Variants in APBA2 observed in about 807,000 individuals in gnomAD.
APBA2 encodes the protein amyloid beta precursor protein binding family A member 2.
A neutral mutation model predicts 75.0 loss-of-function variants in APBA2; 30 were observed. The ratio of observed to expected loss-of-function variants is 0.40; its 90% confidence interval spans 0.30 to 0.54. The LOEUF is 0.54. APBA2 is among the 20% of genes least tolerant of loss of function. The pLI, the probability that APBA2 is intolerant of heterozygous loss-of-function variation, is 0.49. For synonymous variants in APBA2, 444 were observed against 409.6 expected, an observed-to-expected ratio of 1.08 and a Z score of -1.01; for missense variants, 801 against 1,016.1, an observed-to-expected ratio of 0.79 and a Z score of 2.88.
chr15:29,010,055 T>C (rs980458760), intron 3 of APBA2, among the ~76,000 whole-genome samples: 6 of 152,222 alleles, frequency 3.9e-5, no homozygotes, highest in African/African-American at 1.4e-4. Flanking sequence ...ACATCCTTGC[T>C]CATAACTGGT....
intron 2 of APBA2, among the ~76,000 whole-genome samples, chr15:28,933,056 G>A (rs1437015286): frequency 1.3e-5 from 2 of 152,008 alleles, no homozygotes; most frequent in Admixed American, 6.6e-5. Flanking sequence ...GAGGGAAGGG[G>A]GCCAAACTCA....
intron 2 of APBA2, among the ~76,000 whole-genome samples, chr15:28,955,306 C>T (rs907613939): frequency 2.0e-5 from 3 of 152,080 alleles, no homozygotes; most frequent in Non-Finnish European, 4.4e-5. Flanking sequence ...GGGTCCCCAG[C>T]AGTCTGTAAG....
At chr15:29,078,734 G>C (rs867425898) in intron 6 of APBA2, among the ~76,000 whole-genome samples, 2 of 152,134 alleles carry the variant, frequency 1.3e-5, no homozygotes, top group South Asian at 4.2e-4. Context: ...CTTCAGGCTT[G>C]TCACCTCATC....
At chr15:28,987,413 T>C (rs2037979756) in intron 2 of APBA2, among the ~76,000 whole-genome samples, 1 of 152,008 alleles carries the variant, frequency 6.6e-6, no homozygotes, top group Non-Finnish European at 1.5e-5. Context: ...AGGATCCACG[T>C]CCAAGATCGA....
At chr15:28,958,993 T>A (rs1299770945) in intron 2 of APBA2, among the ~76,000 whole-genome samples, 1 of 152,194 alleles carries the variant, frequency 6.6e-6, no homozygotes, top group South Asian at 2.1e-4. Flanking sequence ...TCTTCTGTTC[T>A]CTTCTCTTCT....
At position 29,117,164 on chromosome 15, in the gene APBA2, A is replaced by C; in HGVS notation, c.*31A>C. 1 of 1,608,970 alleles carries C rather than the reference A, an allele frequency of 6.2e-7. No homozygotes were observed. On this transcript the variant is annotated 3_prime_UTR_variant, in exon 15 of 15. Transcript: ENST00000683413. ...CCCAGCCTGGCCACGCAGCCAGGAC[A>C]CCGGGCAGGGCCGCCCGGGCCCAGA...
chr15:29,062,892 G>A (rs901233300), intron 4 of APBA2, among the ~76,000 whole-genome samples: 1 of 152,064 alleles, frequency 6.6e-6, no homozygotes, highest in African/African-American at 2.4e-5. Flanking sequence ...CCCCCATCTC[G>A]TGGGGCTGTG....
chr15:29,104,918 C>G (rs2152968845), intron 10 of APBA2, among the ~76,000 whole-genome samples: 1 of 152,242 alleles, frequency 6.6e-6, no homozygotes, highest in Non-Finnish European at 1.5e-5. Context: ...ACCCCTATCT[C>G]TACAAGAAAA....
intron 2 of APBA2, among the ~76,000 whole-genome samples, chr15:28,959,900 T>G (rs1244506349): frequency 1.3e-5 from 2 of 152,154 alleles, no homozygotes; most frequent in African/African-American, 4.8e-5. Context: ...TCCCAGCACT[T>G]CGGGAGGCCG....
At chr15:28,911,790 T>C (rs1032482590) in intron 1 of APBA2, among the ~76,000 whole-genome samples, 5 of 152,194 alleles carry the variant, frequency 3.3e-5, no homozygotes, top group African/African-American at 1.2e-4. Context: ...ACAGTTTCAG[T>C]GCAGATTATA....
intron 3 of APBA2, among the ~76,000 whole-genome samples, chr15:29,048,688 C>T (rs1484907143): frequency 6.6e-6 from 1 of 152,044 alleles, no homozygotes; most frequent in African/African-American, 2.4e-5. Flanking sequence ...GTAATCCCAG[C>T]ACTTTGGGAG....
chr15:28,935,420 G>A (rs531925775), intron 2 of APBA2, among the ~76,000 whole-genome samples: 2 of 152,076 alleles, frequency 1.3e-5, no homozygotes, highest in African/African-American at 2.4e-5. Context: ...GGCCAGCAGA[G>A]CTCACTGCCG....
chr15:28,992,426 A>G (rs756301635), intron 2 of APBA2, among the ~76,000 whole-genome samples: 1 of 152,242 alleles, frequency 6.6e-6, no homozygotes, highest in East Asian at 1.9e-4. Flanking sequence ...CACAAGTCCA[A>G]TTTACTGCCA....
intron 3 of APBA2, among the ~76,000 whole-genome samples, chr15:29,038,588 G>A (rs2152857695): frequency 6.6e-6 from 1 of 151,644 alleles, no homozygotes; most frequent in South Asian, 2.1e-4. Context: ...GGGGACAGAA[G>A]CCCAGACTCT....
rs376263872 is a variant in APBA2 at position 29,054,829 on chromosome 15, C to T, written c.945C>T (p.His315=). ...RTPEERLKWP[H]EQVCNGLEQP... The stretch of plus-strand genomic sequence containing the variant: ...CAGAAGAGAGGCTGAAGTGGCCCCA[C>T]GAGCAGGTAGGACCCTGGCTGTCCT... The change falls in exon 4 of 15, where the codon CAC becomes CAT. Residue 315 remains histidine, a synonymous_variant. Coordinates refer to ENST00000683413, the MANE Select transcript of APBA2 (RefSeq NM_001353788.2). The surrounding 1 kb of genome is among the most constrained non-coding windows in gnomAD (Gnocchi z 6.1). 171 of 1,598,102 alleles carry T rather than the reference C, an allele frequency of 1.1e-4. No homozygotes were observed. The highest frequency in any genetic ancestry group is 1.3e-4 in the Non-Finnish European group (156 of 1,179,256).
chr15:29,117,439 AGTGT>A lies in APBA2; in HGVS notation c.*311_*314del. On this transcript the variant is annotated 3_prime_UTR_variant, in exon 15 of 15. Coordinates refer to ENST00000683413, the MANE Select transcript of APBA2 (RefSeq NM_001353788.2). ...GTCTCGGTAGCTGTGCGTGGTGTGG[AGTGT>A]GTGTCTTTCCTCCCTGAAGCTGTGC... 1 of 463,086 alleles carries A rather than the reference AGTGT, an allele frequency of 2.2e-6. No individual in the cohort carries two copies. 28.7% of individuals were successfully genotyped at this position (463,086 alleles called of 1,614,324 possible).
At chr15:29,070,466 C>T (rs542921622) in intron 4 of APBA2, among the ~76,000 whole-genome samples, 11 of 152,278 alleles carry the variant, frequency 7.2e-5, no homozygotes, top group Admixed American at 3.3e-4. Context: ...GCCACAGATC[C>T]GCTTTGAAAA....
chr15:29,037,066 A>T (rs1175499328), intron 3 of APBA2, among the ~76,000 whole-genome samples: 1 of 152,098 alleles, frequency 6.6e-6, no homozygotes, highest in African/African-American at 2.4e-5. Flanking sequence ...TAAATTATTT[A>T]AAATAAAATT....
At position 28,965,456 on chromosome 15, in the gene APBA2, C is replaced by T. The variant is rs577339652; in HGVS notation, c.-94-30297C>T. Among the ~76,000 whole-genome samples, 208 of 152,304 alleles carry T rather than the reference C, an allele frequency of 1.4e-3. 3 individuals carry two copies. In the South Asian group the frequency reaches 0.032, roughly 23 times the overall value. On this transcript the variant is annotated intron_variant, in intron 2 of 14. Coordinates refer to ENST00000683413, the MANE Select transcript of APBA2 (RefSeq NM_001353788.2). The stretch of plus-strand genomic sequence containing the variant: ...TTTTTCAAAGTTATTTGGCTATTCT[C>T]AGGCTTTTCTCTTTCTAATAAATTT...
Sources: gnomAD v4.1 joint callset for allele counts (sites outside exome capture counted in the v4.1 genomes callset) on GRCh38, gnomAD v4.1.1 for gene constraint, Gnocchi (gnomAD v3.1) non-coding constraint, MANE v1.5 for transcripts, NCBI Gene and HGNC (gene_info 2026-07-23, HGNC 2026-07-21) for gene names.